NLK: variants seen among roughly 807,000 people sequenced by gnomAD.
NLK encodes the protein serine/threonine-protein kinase NLK.
A neutral mutation model predicts 59.0 loss-of-function variants in NLK; 11 were observed. That is an observed-to-expected ratio of 0.19 (90% CI 0.12 to 0.31). The LOEUF is 0.31. Ranked by LOEUF, NLK falls within the 10% of genes least tolerant of loss-of-function variation. NLK has a pLI of 1.00. For synonymous variants in NLK, 235 were observed against 235.9 expected, an observed-to-expected ratio of 1.00 and a Z score of 0.03; for missense variants, 410 against 661.1, an observed-to-expected ratio of 0.62 and a Z score of 4.16.
chr17:28,182,949 G>A (rs1217564112), intron 7 of NLK, among the ~76,000 whole-genome samples: 6 of 152,152 alleles, frequency 3.9e-5, no homozygotes, highest in Non-Finnish European at 7.4e-5. Context: ...AGCAGGCTGG[G>A]CATTATATAA....
At chr17:28,143,289 G>A (rs1039722621) in intron 3 of NLK, among the ~76,000 whole-genome samples, 41 of 152,066 alleles carry the variant, frequency 2.7e-4, no homozygotes, top group Middle Eastern at 3.4e-3. Flanking sequence ...TGATCCGCCC[G>A]CCTCGGCCTC....
intron 2 of NLK, among the ~76,000 whole-genome samples, chr17:28,128,097 T>C (rs1486523045): frequency 1.3e-5 from 2 of 152,186 alleles, no homozygotes; most frequent in Admixed American, 1.3e-4. Flanking sequence ...ATGTACCATA[T>C]ACATAAATTA....
At chr17:28,127,897 T>C (rs913597476) in intron 2 of NLK, among the ~76,000 whole-genome samples, 1 of 152,074 alleles carries the variant, frequency 6.6e-6, no homozygotes, top group Non-Finnish European at 1.5e-5. Context: ...GCACAAGATA[T>C]GGAGCCAGAA....
chr17:28,188,190 G>T (rs756925336), intron 8 of NLK, among the ~76,000 whole-genome samples: 2 of 152,040 alleles, frequency 1.3e-5, no homozygotes, highest in Non-Finnish European at 2.9e-5. Flanking sequence ...TCCTGGCAAG[G>T]GAGACAGAGG....
chr17:28,201,883 G>A, the NLK span, among the ~76,000 whole-genome samples: 1 of 152,116 alleles, frequency 6.6e-6, no homozygotes, highest in Non-Finnish European at 1.5e-5. Context: ...GGCCGTGGTG[G>A]CTCATGCCTG....
chr17:28,192,000 GTTTGA>G (rs939139922), intron 9 of NLK, 115 bp from the exon 10 acceptor site: 38 of 578,888 alleles, frequency 6.6e-5, no homozygotes, highest in Non-Finnish European at 1.1e-4. Flanking sequence ...TGATGTGTGT[GTTTGA>G]TTTAACTAAA....
chr17:28,110,350 T>C (rs1200581506), intron 1 of NLK, among the ~76,000 whole-genome samples: 1 of 152,162 alleles, frequency 6.6e-6, no homozygotes, highest in African/African-American at 2.4e-5. Context: ...CCATTTTTTC[T>C]GATGAGAAGT....
At chr17:28,074,803 G>T (rs1045228134) in intron 1 of NLK, among the ~76,000 whole-genome samples, 1 of 152,106 alleles carries the variant, frequency 6.6e-6, no homozygotes, top group Non-Finnish European at 1.5e-5. Flanking sequence ...AACAGGTGAG[G>T]AAAGCAACTA....
chr17:28,048,348 A>G (rs1378031071), intron 1 of NLK: 1 of 171,526 alleles, frequency 5.8e-6, no homozygotes, highest in East Asian at 1.5e-4. Context: ...CTTGGGGAGA[A>G]ATTTCATGTT....
chr17:28,128,766 T>C (rs553277427), intron 2 of NLK, among the ~76,000 whole-genome samples: 2 of 152,290 alleles, frequency 1.3e-5, no homozygotes, highest in East Asian at 1.9e-4. Flanking sequence ...AAGCTAAATA[T>C]ACACCTACCC....
At chr17:28,162,306 C>T (rs1233008235) in intron 4 of NLK, among the ~76,000 whole-genome samples, 3 of 152,044 alleles carry the variant, frequency 2.0e-5, no homozygotes, top group Non-Finnish European at 4.4e-5. Context: ...TGAGCCACTG[C>T]GCCCAGCCAC....
intron 3 of NLK, among the ~76,000 whole-genome samples, chr17:28,156,218 A>C (rs988809186): frequency 6.6e-6 from 1 of 152,170 alleles, no homozygotes; most frequent in Non-Finnish European, 1.5e-5. Flanking sequence ...AGCTTTAACA[A>C]TATTAATCAT....
chr17:28,130,741 C>T (rs924779504), intron 2 of NLK, among the ~76,000 whole-genome samples: 3 of 152,042 alleles, frequency 2.0e-5, no homozygotes, highest in Admixed American at 6.6e-5. Context: ...GTTGAGAGTC[C>T]GAAAGATGTC....
chr17:28,140,993 G>A (rs1193323790), intron 3 of NLK, among the ~76,000 whole-genome samples: 1 of 151,988 alleles, frequency 6.6e-6, no homozygotes, highest in Non-Finnish European at 1.5e-5. Context: ...CCTGTTCATG[G>A]GTCCGTGTAA....
chr17:28,051,626 G>A (rs1044399070), intron 1 of NLK, among the ~76,000 whole-genome samples: 38 of 151,374 alleles, frequency 2.5e-4, no homozygotes, highest in African/African-American at 9.2e-4. Flanking sequence ...CAAAGTGCTG[G>A]GATTACAGTT....
intron 1 of NLK, among the ~76,000 whole-genome samples, chr17:28,096,234 G>A (rs1904697014): frequency 6.6e-6 from 1 of 152,078 alleles, no homozygotes; most frequent in Admixed American, 6.5e-5. Context: ...ACTAAAAATA[G>A]GGATTTTTGA....
chr17:28,167,150 AG>A, intron 5 of NLK, among the ~76,000 whole-genome samples: 1 of 152,226 alleles, frequency 6.6e-6, no homozygotes, highest in East Asian at 1.9e-4. Context: ...GTCTCAGCTA[AG>A]GAGACCTTCA....
intron 1 of NLK, among the ~76,000 whole-genome samples, chr17:28,118,700 G>C (rs527725639): frequency 2.0e-5 from 3 of 152,178 alleles, no homozygotes; most frequent in Admixed American, 2.0e-4. Context: ...GTACTCTTTT[G>C]ATCAACTCTG....
intron 1 of NLK, among the ~76,000 whole-genome samples, chr17:28,110,489 T>G (rs1200773135): frequency 1.5e-4 from 20 of 134,474 alleles, no homozygotes; most frequent in Non-Finnish European, 2.1e-4. Context: ...GTTTTTTGGG[T>G]TTTTTTTTTT....
Sources: allele counts gnomAD v4.1 joint callset (sites outside exome capture counted in the v4.1 genomes callset), GRCh38; gene constraint gnomAD v4.1.1; transcripts MANE v1.5; gene names NCBI Gene and HGNC (gene_info 2026-07-23, HGNC 2026-07-21).